SPOPL: variants seen among roughly 807,000 people sequenced by gnomAD.
SPOPL encodes the protein speckle type BTB/POZ protein like, also known as speckle-type POZ protein-like.
SPOPL carries 23 observed loss-of-function variants against 53.8 expected under a neutral mutation model. That is an observed-to-expected ratio of 0.43 (90% CI 0.31 to 0.61). The LOEUF is 0.61. Among genes scored for constraint, SPOPL ranks in the 20% least tolerant of loss-of-function variants. The pLI, the probability that SPOPL is intolerant of heterozygous loss-of-function variation, is 0.12. For missense variants in SPOPL, 442 were observed against 466.9 expected, an observed-to-expected ratio of 0.95 and a Z score of 0.49; for synonymous variants, 164 against 149.7, an observed-to-expected ratio of 1.10 and a Z score of -0.70.
chr2:138,567,917 C>T (rs1685698356), intron 10 of SPOPL, among the ~76,000 whole-genome samples: 1 of 152,044 alleles, frequency 6.6e-6, no homozygotes, highest in South Asian at 2.1e-4. Context: ...TTGGTGAGAG[C>T]ATAGTGTACA....
At chr2:138,502,314 T>G (rs1023303056) in intron 1 of SPOPL, among the ~76,000 whole-genome samples, 195 bp downstream of exon 1, 1 of 152,152 alleles carries the variant, frequency 6.6e-6, no homozygotes, top group South Asian at 2.1e-4. Flanking sequence ...GGACCGCCCT[T>G]CCCTCGCGCG....
chr2:138,504,133 C>T (rs62161731), intron 1 of SPOPL, among the ~76,000 whole-genome samples: 251 of 152,262 alleles, frequency 1.6e-3, no homozygotes, highest in South Asian at 7.0e-3. Context: ...TATTTGCTGT[C>T]CTAATTACAT....
chr2:138,503,967 A>G (rs1450807921), intron 1 of SPOPL, among the ~76,000 whole-genome samples: 1 of 152,038 alleles, frequency 6.6e-6, no homozygotes, highest in Non-Finnish European at 1.5e-5. Flanking sequence ...TGTTTACAGA[A>G]TTTTACTCAC....
At position 138,570,122 on chromosome 2, in the gene SPOPL, A is replaced by G. The variant is rs921765512; in HGVS notation, c.*1042A>G. 2 of 152,200 alleles carry G rather than the reference A, an allele frequency of 1.3e-5. No homozygotes were observed. Among genetic ancestry groups the G allele is most frequent in the African/African-American group, 4.8e-5 (2 of 41,434 alleles). 9.4% of individuals were successfully genotyped at this position (152,200 alleles called of 1,614,324 possible). Reference sequence around the variant, plus strand: ...TTGGATTACAGATATTCATTATTGAATTGACTCCTATTTTCTCACACTTTG... The same window carrying G: ...TTGGATTACAGATATTCATTATTGAGTTGACTCCTATTTTCTCACACTTTG... On this transcript the variant is annotated 3_prime_UTR_variant, in exon 11 of 11. Transcript: ENST00000280098.
Position 138,550,618 on chromosome 2 carries a change from T to G in SPOPL, c.200+14T>G. On this transcript the variant is annotated intron_variant, in intron 3 of 10. Transcript: ENST00000280098. ...CAAAATGAAATGGTAAGATTTTTGT[T>G]TGCTTTGAATTTTTGTTTTTTGTTT... 1 of 1,582,032 alleles carries G rather than the reference T, an allele frequency of 6.3e-7. No individual in the cohort carries two copies. Among genetic ancestry groups the G allele is most frequent in the Non-Finnish European group, 8.6e-7 (1 of 1,162,954 alleles).
intron 1 of SPOPL, among the ~76,000 whole-genome samples, chr2:138,538,946 T>C (rs1684999599): frequency 6.6e-6 from 1 of 152,142 alleles, no homozygotes; most frequent in Admixed American, 6.5e-5. Context: ...CCCCTTCCTG[T>C]GTTCGTGTGT....
At chr2:138,553,679 G>A in intron 5 of SPOPL, among the ~76,000 whole-genome samples, 1 of 151,998 alleles carries the variant, frequency 6.6e-6, no homozygotes, top group Non-Finnish European at 1.5e-5. Flanking sequence ...TATGCCTCCA[G>A]AGACTATATA....
At chr2:138,555,907 A>G (rs1168035306) in intron 5 of SPOPL, among the ~76,000 whole-genome samples, 1 of 152,052 alleles carries the variant, frequency 6.6e-6, no homozygotes, top group Non-Finnish European at 1.5e-5. Flanking sequence ...AAAGAAGCAT[A>G]ACTTTGACCT....
At chr2:138,507,664 C>T (rs1006235181) in intron 1 of SPOPL, among the ~76,000 whole-genome samples, 8 of 152,320 alleles carry the variant, frequency 5.3e-5, no homozygotes, top group East Asian at 1.9e-4. Context: ...CTAGAGTACA[C>T]GGGTAGTAGG....
intron 1 of SPOPL, among the ~76,000 whole-genome samples, chr2:138,536,345 C>CA (rs777148255): frequency 0.025 from 2,008 of 79,358 alleles, 45 homozygotes; most frequent in South Asian, 0.055. Context: ...GTGCCCCCCC[C>CA]CCACACACAC....
chr2:138,565,738 T>C (rs898362482), intron 10 of SPOPL, among the ~76,000 whole-genome samples: 4 of 151,296 alleles, frequency 2.6e-5, no homozygotes, highest in African/African-American at 9.7e-5. Flanking sequence ...AGTGGGAATT[T>C]TTTTTTTTTT....
At chr2:138,544,253 T>G (rs908547872) in intron 1 of SPOPL, among the ~76,000 whole-genome samples, 3 of 152,200 alleles carry the variant, frequency 2.0e-5, no homozygotes, top group African/African-American at 7.2e-5. Context: ...ACTGCTCTCT[T>G]CAAGGCTGTC....
At chr2:138,529,471 G>GGT (rs1448171415) in intron 1 of SPOPL, among the ~76,000 whole-genome samples, 1 of 149,138 alleles carries the variant, frequency 6.7e-6, no homozygotes, top group Non-Finnish European at 1.5e-5. Context: ...TGTTTGTGTA[G>GGT]GTATGTGTGT....
In SPOPL at chr2:138,529,535, T is replaced by TGCGC. The variant is rs1553469117; in HGVS notation, c.-60-20622_-60-20621insGCGC. On this transcript the variant is annotated intron_variant, in intron 1 of 10. Coordinates refer to ENST00000280098, the MANE Select transcript of SPOPL (RefSeq NM_001001664.3). The stretch of plus-strand genomic sequence containing the variant: ...GTGTGTGTGTGTGTGTGTGTGTGTG[T>TGCGC]TTGCGTGCGCGCGCGCTTCTGCATT... Among the ~76,000 whole-genome samples the TGCGC allele has an allele frequency of 1.3e-3, 133 of 103,298 alleles. 1 individual carries two copies. The highest frequency in any genetic ancestry group is 1.7e-3 in the Non-Finnish European group (77 of 46,396). The allele number at this position is 103,298 out of a possible 152,430, so 67.8% of individuals were successfully genotyped here.
chr2:138,528,402 T>C (rs1469748694), intron 1 of SPOPL, among the ~76,000 whole-genome samples: 2 of 152,230 alleles, frequency 1.3e-5, no homozygotes, highest in Admixed American at 6.5e-5. Context: ...TCTGCTAATT[T>C]ATTGCCGTTC....
chr2:138,519,640 A>G (rs774115095), intron 1 of SPOPL, among the ~76,000 whole-genome samples: 1 of 152,074 alleles, frequency 6.6e-6, no homozygotes, highest in Non-Finnish European at 1.5e-5. Flanking sequence ...CCCAAAACAG[A>G]CATAAAATTA....
chr2:138,557,688 G>A (rs1421956055), intron 5 of SPOPL, among the ~76,000 whole-genome samples: 1 of 152,146 alleles, frequency 6.6e-6, no homozygotes, highest in Non-Finnish European at 1.5e-5. Flanking sequence ...AAACTTAGAA[G>A]TTGAAAACAG....
chr2:138,517,600 C>T (rs1206098979), intron 1 of SPOPL, among the ~76,000 whole-genome samples: 1 of 151,780 alleles, frequency 6.6e-6, no homozygotes, highest in Non-Finnish European at 1.5e-5. Flanking sequence ...ATTAGCCAGG[C>T]GTGGTGGCGG....
At chr2:138,535,271 A>T (rs1433791398) in intron 1 of SPOPL, among the ~76,000 whole-genome samples, 3 of 152,242 alleles carry the variant, frequency 2.0e-5, no homozygotes, top group Non-Finnish European at 2.9e-5. Context: ...ATTATTAGCT[A>T]GTAACCTTTT....
Sources: gnomAD v4.1 joint callset for allele counts (sites outside exome capture counted in the v4.1 genomes callset) on GRCh38, gnomAD v4.1.1 for gene constraint, MANE v1.5 for transcripts, NCBI Gene and HGNC (gene_info 2026-07-23, HGNC 2026-07-21) for gene names.